Variants in EXOC5 observed in about 807,000 individuals in gnomAD.
EXOC5 encodes SEC10-like 1.
Under a neutral mutation model 90.8 loss-of-function variants are expected in EXOC5, and 17 were observed. The observed-to-expected ratio is 0.19, with a 90% confidence interval of 0.13 to 0.28. The LOEUF is 0.28. EXOC5 is among the 10% of genes least tolerant of loss of function. EXOC5 has a pLI of 1.00. For synonymous variants in EXOC5, 260 were observed against 270.0 expected, an observed-to-expected ratio of 0.96 and a Z score of 0.36; for missense variants, 569 against 830.6, an observed-to-expected ratio of 0.69 and a Z score of 3.87.
In EXOC5 at chr14:57,231,502, T is replaced by A. The variant is rs764346169; in HGVS notation, c.1148+4A>T. 1.3e-6 allele frequency: 2 copies of A among 1,593,220 alleles called. No individual in the cohort carries two copies. Among genetic ancestry groups the A allele is most frequent in the Admixed American group, 3.6e-5 (2 of 56,190 alleles). On this transcript the variant is annotated splice_donor_region_variant and intron_variant, in intron 11 of 17. Coordinates refer to ENST00000621441, the MANE Select transcript of EXOC5 (RefSeq NM_006544.4). ...TAACAGAAGTATTTAACAAAAATAC[T>A]CACCCTCCTGTGCCAATGGATCTCT...
At chr14:57,221,490 C>T (rs1228907439) in intron 13 of EXOC5, among the ~76,000 whole-genome samples, 1 of 152,094 alleles carries the variant, frequency 6.6e-6, no homozygotes, top group Non-Finnish European at 1.5e-5. Flanking sequence ...TACAAGTAGA[C>T]AGAGATAATG....
chr14:57,231,851 T>G lies in EXOC5; in HGVS notation c.939-136A>C, dbSNP rs920448208. ...CATTTCTTAAACTCTGGGAGAGTAC[T>G]TATGATGCAGAGATCAACTCTACAG... On this transcript the variant is annotated intron_variant, in intron 10 of 17. Transcript: ENST00000621441. The G allele has an allele frequency of 2.8e-5, 17 of 610,006 alleles. 1 individual carries two copies. The highest frequency in any genetic ancestry group is 3.1e-5 in the Non-Finnish European group (11 of 349,456). 37.8% of individuals were successfully genotyped at this position (610,006 alleles called of 1,614,324 possible).
chr14:57,261,573 G>A (rs1482917408), intron 1 of EXOC5, among the ~76,000 whole-genome samples: 1 of 152,212 alleles, frequency 6.6e-6, no homozygotes, highest in Non-Finnish European at 1.5e-5. Context: ...CTCTGTTACA[G>A]TTATCTATTG....
At chr14:57,242,927 C>A (rs533097487) in intron 4 of EXOC5, among the ~76,000 whole-genome samples, 1 of 152,262 alleles carries the variant, frequency 6.6e-6, no homozygotes, top group Admixed American at 6.5e-5. Flanking sequence ...CAAAAAGGAA[C>A]AAAATAATGT....
At chr14:57,210,113 TTA>T (rs1166724043) in intron 15 of EXOC5, 52 bp from the exon 16 acceptor site, 1 of 738,470 alleles carries the variant, frequency 1.4e-6, no homozygotes, top group Non-Finnish European at 2.3e-6. Flanking sequence ...TACTCTATGT[TTA>T]TGTTTAATTA....
chr14:57,254,322 C>T (rs559462809), intron 1 of EXOC5, among the ~76,000 whole-genome samples: 1 of 152,054 alleles, frequency 6.6e-6, no homozygotes, highest in East Asian at 1.9e-4. Context: ...GTAGTCCCAG[C>T]TCTTTGGGAG....
At chr14:57,259,761 T>C (rs1021595183) in intron 1 of EXOC5, among the ~76,000 whole-genome samples, 7 of 152,250 alleles carry the variant, frequency 4.6e-5, no homozygotes, top group African/African-American at 7.2e-5. Context: ...TTGTCATTTA[T>C]TGATTTAGAA....
intron 1 of EXOC5, among the ~76,000 whole-genome samples, chr14:57,265,224 A>T (rs1884633499): frequency 1.3e-5 from 2 of 150,576 alleles, no homozygotes; most frequent in Admixed American, 6.7e-5. Flanking sequence ...TCAGAACTTT[A>T]TCTTGAACTT....
intron 3 of EXOC5, among the ~76,000 whole-genome samples, chr14:57,245,280 A>G (rs1036687955): frequency 6.6e-6 from 1 of 152,142 alleles, no homozygotes; most frequent in Non-Finnish European, 1.5e-5. Flanking sequence ...TTCCAACCTT[A>G]AACTGAGGTG....
chr14:57,254,077 TG>T (rs1286777228), intron 1 of EXOC5, among the ~76,000 whole-genome samples: 1 of 152,142 alleles, frequency 6.6e-6, no homozygotes, highest in Non-Finnish European at 1.5e-5. Flanking sequence ...AATTCAAAAA[TG>T]GGCTAAGGAC....
chr14:57,237,367 C>A lies in EXOC5; in HGVS notation c.531-1G>T. ...AATTTTGGATTTAACTTCTGAAAATCTGAAAGACAAAAACCAACCATGAGG... is the reference window on the plus strand; with the variant it reads ...AATTTTGGATTTAACTTCTGAAAATATGAAAGACAAAAACCAACCATGAGG... On this transcript the variant is annotated splice_acceptor_variant, in intron 5 of 17. Transcript: ENST00000621441. LOFTEE classifies it high-confidence loss of function. 6.6e-7 allele frequency: 1 copy of A among 1,522,318 alleles called. No individual in the cohort carries two copies. Among genetic ancestry groups the A allele is most frequent in the South Asian group, 1.2e-5 (1 of 82,826 alleles). The allele number at this position is 1,522,318 out of a possible 1,614,324, so 94.3% of individuals were successfully genotyped here. A position where few individuals can be genotyped will look rare whatever the true frequency, so the allele number is the denominator to read the frequency against.
At chr14:57,229,473 CCTAAACA>C (rs1382183232) in intron 12 of EXOC5, among the ~76,000 whole-genome samples, 2 of 151,942 alleles carry the variant, frequency 1.3e-5, no homozygotes, top group East Asian at 1.9e-4. Context: ...GTCATCATCC[CCTAAACA>C]CTAAAGTTAC....
chr14:57,239,210 A>T (rs892222372), intron 5 of EXOC5, among the ~76,000 whole-genome samples: 3 of 152,164 alleles, frequency 2.0e-5, no homozygotes, highest in Non-Finnish European at 2.9e-5. Context: ...GGCCTCCAAA[A>T]GCCTAAGAAC....
chr14:57,231,896 G>A (rs1883499173), intron 10 of EXOC5, 181 bp from the exon 11 acceptor site: 1 of 495,630 alleles, frequency 2.0e-6, no homozygotes, highest in East Asian at 3.3e-5. Flanking sequence ...TAAATACAGT[G>A]AAATATTACG....
chr14:57,257,822 A>C (rs1430320148), intron 1 of EXOC5, among the ~76,000 whole-genome samples: 1 of 152,162 alleles, frequency 6.6e-6, no homozygotes, highest in Non-Finnish European at 1.5e-5. Context: ...AAGACCTCCA[A>C]ATGACCAAGT....
intron 6 of EXOC5, among the ~76,000 whole-genome samples, chr14:57,236,714 GGAATATAGAT>G (rs1566732414): frequency 1.3e-5 from 2 of 151,878 alleles, no homozygotes; most frequent in African/African-American, 4.8e-5. Flanking sequence ...AGACTTTTTG[GGAATATAGAT>G]GAATCTTTGA....
intron 15 of EXOC5, among the ~76,000 whole-genome samples, chr14:57,217,576 A>T (rs768127617): frequency 6.6e-6 from 1 of 151,806 alleles, no homozygotes; most frequent in Non-Finnish European, 1.5e-5. Flanking sequence ...TGTTCTGACT[A>T]CTCCAGATAA....
intron 11 of EXOC5, 117 bp from the exon 12 acceptor site, chr14:57,229,998 T>C: frequency 4.2e-6 from 2 of 474,168 alleles, no homozygotes. Flanking sequence ...CCAAGAGACC[T>C]AATTTCTAAT....
intron 12 of EXOC5, among the ~76,000 whole-genome samples, chr14:57,226,415 A>G (rs1883309600): frequency 6.6e-6 from 1 of 152,230 alleles, no homozygotes; most frequent in Non-Finnish European, 1.5e-5. Flanking sequence ...AAGACCATTT[A>G]CATATGCTTA....
Sources: gnomAD v4.1 joint callset for allele counts (sites outside exome capture counted in the v4.1 genomes callset) on GRCh38, gnomAD v4.1.1 for gene constraint, MANE v1.5 for transcripts, NCBI Gene and HGNC (gene_info 2026-07-23, HGNC 2026-07-21) for gene names.